NETO1: variants seen among roughly 807,000 people sequenced by gnomAD.
The protein encoded by NETO1 is neuropilin and tolloid like 1.
In NETO1, 26 loss-of-function variants were observed where a neutral mutation model predicts 61.3. That is an observed-to-expected ratio of 0.42 (90% CI 0.31 to 0.59). The LOEUF is 0.59. Ranked by LOEUF, NETO1 falls within the 20% of genes least tolerant of loss-of-function variation. The probability of loss-of-function intolerance (pLI) is 0.12; values close to 1 mark genes in which losing one functional copy is unlikely to be tolerated. For missense variants in NETO1, 531 were observed against 662.8 expected (o/e 0.80, Z 2.18); for synonymous variants, 225 against 225.8 (o/e 1.00, Z 0.03).
intron 7 of NETO1, among the ~76,000 whole-genome samples, chr18:72,780,516 A>G (rs2071700101): frequency 6.6e-6 from 1 of 152,144 alleles, no homozygotes; most frequent in South Asian, 2.1e-4. Context: ...ATTGAAAGGG[A>G]TCTTTGATGT....
At chr18:72,865,150 T>A (rs1470494040) in intron 2 of NETO1, 38 bp downstream of exon 2, 15 of 1,582,606 alleles carry the variant, frequency 9.5e-6, no homozygotes, top group Admixed American at 3.4e-5. Flanking sequence ...ACAAAATAAT[T>A]CGAGGTCTTC....
intron 7 of NETO1, among the ~76,000 whole-genome samples, chr18:72,776,287 A>G (rs1431909136): frequency 1.3e-5 from 2 of 152,184 alleles, no homozygotes. Flanking sequence ...GTCTTTTGAG[A>G]GTGAGAACTC....
chr18:72,776,742 C>T (rs1301108344), intron 7 of NETO1, among the ~76,000 whole-genome samples: 3 of 152,156 alleles, frequency 2.0e-5, no homozygotes, highest in Non-Finnish European at 2.9e-5. Flanking sequence ...TCATCACCTT[C>T]GGTAGGTGCA....
intron 4 of NETO1, among the ~76,000 whole-genome samples, chr18:72,845,848 C>A (rs765976104): frequency 2.6e-4 from 40 of 152,236 alleles, no homozygotes; most frequent in Non-Finnish European, 5.3e-4. Context: ...TAAGAGTTGG[C>A]CCTTATGGCG....
At position 72,745,149 on chromosome 18, in the gene NETO1, GA is replaced by G. The variant is rs2145055014; in HGVS notation, c.*3029del. 6.6e-6 allele frequency: 1 copy of G among 152,232 alleles called. No homozygotes were observed. Among genetic ancestry groups the G allele is most frequent in the East Asian group, 1.9e-4 (1 of 5,186 alleles). 9.4% of individuals were successfully genotyped at this position (152,232 alleles called of 1,614,324 possible). ...AAAGACACTGATCTCCAATTATGTG[GA>G]CAGCCACATTTTGGTTACAAAATCA... On this transcript the variant is annotated 3_prime_UTR_variant, in exon 11 of 11. Coordinates refer to ENST00000327305, the MANE Select transcript of NETO1 (RefSeq NM_138966.5).
intron 4 of NETO1, among the ~76,000 whole-genome samples, chr18:72,833,397 C>T (rs1182303896): frequency 6.6e-6 from 1 of 152,138 alleles, no homozygotes; most frequent in Non-Finnish European, 1.5e-5. Context: ...ATCCTATTTT[C>T]TCCAGTATGA....
intron 7 of NETO1, among the ~76,000 whole-genome samples, chr18:72,766,109 G>A (rs1488184670): frequency 2.0e-5 from 3 of 151,994 alleles, no homozygotes; most frequent in African/African-American, 2.4e-5. Flanking sequence ...AGGAGGCTGA[G>A]CGGGGAGAAT....
rs8092488 is a variant in NETO1, at chr18:72,746,353, A to T, written c.*1826T>A. On this transcript the variant is annotated 3_prime_UTR_variant, in exon 11 of 11. Coordinates refer to ENST00000327305, the MANE Select transcript of NETO1 (RefSeq NM_138966.5). ...AAAAAGGAACCATGGTAATAAATAA[A>T]CCAGTCAAGCCAAATAAAAAAGGGT... 0.32 allele frequency among the ~76,000 whole-genome samples: 49,088 copies of T among 151,868 alleles called. 8,348 individuals are homozygous for T. The highest frequency in any genetic ancestry group is 0.39 in the South Asian group (1,895 of 4,810).
Position 72,750,272 on chromosome 18 carries a change from C to T in NETO1, c.1331G>A (p.Arg444His), listed in dbSNP as rs750903661. The T allele has an allele frequency of 2.5e-5, 41 of 1,613,906 alleles. No individual in the cohort carries two copies. The East Asian group carries it at 4.9e-4, about 19-fold the overall frequency. The change falls in exon 9 of 11, where the codon CGC becomes CAC. Residue 444 changes from arginine to histidine, a missense_variant. Coordinates refer to ENST00000327305, the MANE Select transcript of NETO1 (RefSeq NM_138966.5). ...GSQLSSTKGS[R>H]SNLSTRDASI... ...AGCATCTCTTGTGCTGAGGTTACTG[C>T]GGCTGCCTTTAGTGCTGGACAGCTG...
At chr18:72,827,320 T>C (rs893745400) in intron 4 of NETO1, among the ~76,000 whole-genome samples, 1 of 152,082 alleles carries the variant, frequency 6.6e-6, no homozygotes, top group African/African-American at 2.4e-5. Flanking sequence ...TTCCGTAGTC[T>C]CTTTACAGTC....
chr18:72,834,433 A>C (rs1356054177), intron 4 of NETO1: 1 of 978,816 alleles, frequency 1.0e-6, no homozygotes, highest in African/African-American at 1.8e-5. Context: ...GAAATTTAAA[A>C]AGAACACAGA....
intron 7 of NETO1, among the ~76,000 whole-genome samples, chr18:72,769,184 G>T (rs1160334557): frequency 6.6e-6 from 1 of 152,062 alleles, no homozygotes; most frequent in Non-Finnish European, 1.5e-5. Flanking sequence ...ATTATTATCT[G>T]TCTTTAAGTT....
At chr18:72,815,462 G>A (rs573498858) in intron 4 of NETO1, among the ~76,000 whole-genome samples, 111 of 151,964 alleles carry the variant, frequency 7.3e-4, no homozygotes, top group Admixed American at 2.6e-3. Flanking sequence ...GCATACAAAA[G>A]AAAGACAACA....
intron 4 of NETO1, among the ~76,000 whole-genome samples, chr18:72,839,390 A>T (rs1475575537): frequency 6.6e-6 from 1 of 152,228 alleles, no homozygotes. Context: ...TTGAAAAATC[A>T]AGGGATAAAT....
At chr18:72,864,694 G>A (rs975891440) in intron 3 of NETO1, 114 bp downstream of exon 3, 67 of 1,324,836 alleles carry the variant, frequency 5.1e-5, no homozygotes, top group Admixed American at 9.0e-5. Flanking sequence ...ATATTTTTGC[G>A]CATGATCTCC....
At position 72,844,993 on chromosome 18, in the gene NETO1, C is replaced by A. The variant is rs146229619; in HGVS notation, c.469+13833G>T. 8.5e-3 allele frequency among the ~76,000 whole-genome samples: 1,299 copies of A among 152,336 alleles called. 10 individuals carry two copies. The highest frequency in any genetic ancestry group is 0.072 in the Middle Eastern group (21 of 292). ...CCACTTCTCCTCCAGGTGCACCCCA[C>A]ATTACGCACATGCCATGGCGCTCAC... is the stretch of plus-strand genomic sequence containing the variant. On this transcript the variant is annotated intron_variant, in intron 4 of 10. Coordinates refer to ENST00000327305, the MANE Select transcript of NETO1 (RefSeq NM_138966.5).
rs571439191 is a variant in NETO1, at chr18:72,744,974, T to C, written c.*3205A>G. The stretch of plus-strand genomic sequence containing the variant: ...ATGATACAGAAGCTTAAGTGAATAT[T>C]AAAGTAATGCCAACCGTCTAAGTTA... On this transcript the variant is annotated 3_prime_UTR_variant, in exon 11 of 11. Transcript: ENST00000327305. 9 of 152,178 alleles carry C rather than the reference T, an allele frequency of 5.9e-5. No individual in the cohort carries two copies. Among genetic ancestry groups the C allele is most frequent in the Non-Finnish European group, 1.0e-4 (7 of 68,028 alleles). 9.4% of individuals were successfully genotyped at this position (152,178 alleles called of 1,614,324 possible). A position where few individuals can be genotyped will look rare whatever the true frequency, so the allele number is the denominator to read the frequency against.
chr18:72,776,633 A>G (rs2071557761), intron 7 of NETO1, among the ~76,000 whole-genome samples: 1 of 152,034 alleles, frequency 6.6e-6, no homozygotes, highest in Non-Finnish European at 1.5e-5. Context: ...AGAAGAGGTG[A>G]AGGGTTTCTC....
chr18:72,814,424 A>C (rs1568221295), intron 4 of NETO1, among the ~76,000 whole-genome samples: 1 of 152,042 alleles, frequency 6.6e-6, no homozygotes, highest in Non-Finnish European at 1.5e-5. Context: ...AGGCAGACAA[A>C]TTGCATGAGG....
Sources: allele counts gnomAD v4.1 joint callset (sites outside exome capture counted in the v4.1 genomes callset), GRCh38; gene constraint gnomAD v4.1.1; transcripts MANE v1.5; gene names NCBI Gene and HGNC (gene_info 2026-07-23, HGNC 2026-07-21).